Variants in IFI16 observed in about 807,000 individuals in gnomAD.
IFI16 encodes the protein interferon gamma inducible protein 16, also known as gamma-interferon-inducible protein 16.
Under a neutral mutation model 68.4 loss-of-function variants are expected in IFI16, and 49 were observed. The ratio of observed to expected loss-of-function variants is 0.72; its 90% CI spans 0.57 to 0.91. IFI16 has a LOEUF of 0.91. Ranked by LOEUF, IFI16 falls within the 40% of genes least tolerant of loss-of-function variation. The pLI is 0.00. For missense variants in IFI16, 878 were observed against 942.9 expected, an observed-to-expected ratio of 0.93 and a Z score of 0.90; for synonymous variants, 307 against 315.0, an observed-to-expected ratio of 0.97 and a Z score of 0.27.
At chr1:159,002,294 A>G (rs543712882), upstream of IFI16, among the ~76,000 whole-genome samples, 2 of 152,278 alleles carry the variant, frequency 1.3e-5, no homozygotes, top group Admixed American at 6.5e-5. Flanking sequence ...GAGAGTATGG[A>G]ATGATTCTCT....
upstream of IFI16, among the ~76,000 whole-genome samples, chr1:159,002,527 C>G (rs114795556): frequency 9.7e-3 from 1,478 of 151,986 alleles, 27 homozygotes; most frequent in African/African-American, 0.033. Context: ...TGAACACATG[C>G]TGCAAAATAG....
intron 5 of IFI16, 36 bp from the exon 6 acceptor site, chr1:159,020,305 C>T (rs756153474): frequency 1.9e-5 from 29 of 1,489,336 alleles, no homozygotes; most frequent in Non-Finnish European, 2.5e-5. Flanking sequence ...TTATTAATTA[C>T]ATTCTCAGGA....
chr1:159,016,040 A>G (rs772407332), intron 3 of IFI16, 53 bp downstream of exon 3: 16 of 1,154,208 alleles, frequency 1.4e-5, no homozygotes, highest in Non-Finnish European at 2.1e-5. Flanking sequence ...AAGCTCTGCT[A>G]CGGCTCTTCC....
chr1:159,004,057 C>G (rs554204295), upstream of IFI16, among the ~76,000 whole-genome samples: 1 of 152,202 alleles, frequency 6.6e-6, no homozygotes, highest in Non-Finnish European at 1.5e-5. Flanking sequence ...AGTTTCTTTC[C>G]TTGAACCAAA....
At chr1:159,002,170 C>A (rs1306931996), upstream of IFI16, among the ~76,000 whole-genome samples, 1 of 152,124 alleles carries the variant, frequency 6.6e-6, no homozygotes, top group Non-Finnish European at 1.5e-5. Context: ...AATTAGGTGG[C>A]ATGAGTTACC....
At position 159,051,812 on chromosome 1, in the gene IFI16, T is replaced by A; in HGVS notation, c.1799T>A (p.Phe600Tyr). ...GAGCCCAAAGAGCAGAAGAAAATGT[T>A]TCATGCCACAGTGGCAACTGAGAAT... Reference protein sequence around the residue: ...VYEPKEQKKMFHATVATENEV... With the variant: ...VYEPKEQKKMYHATVATENEV... Residue 600 changes from phenylalanine to tyrosine, a missense_variant, in exon 10 of 12, where the codon TTT becomes TAT. Around this residue, in one of 4 missense-constraint regions of IFI16, gnomAD observed 311 missense variants for 305.1 expected, o/e 1.02. Transcript: ENST00000295809. 1 of 1,614,152 alleles carries A rather than the reference T, an allele frequency of 6.2e-7. No individual in the cohort carries two copies. The highest frequency in any genetic ancestry group is 8.5e-7 in the Non-Finnish European group (1 of 1,179,992).
intron 11 of IFI16, 126 bp from the exon 12 acceptor site, chr1:159,054,692 AAAG>A (rs1655570464): frequency 3.6e-6 from 2 of 551,760 alleles, no homozygotes; most frequent in South Asian, 2.9e-5. Flanking sequence ...GAGAGCGAGA[AAAG>A]AATCATTTAG....
At chr1:159,005,070 T>C (rs1320826808), upstream of IFI16, among the ~76,000 whole-genome samples, 2 of 152,052 alleles carry the variant, frequency 1.3e-5, no homozygotes, top group African/African-American at 2.4e-5. Context: ...CTCACGTAAA[T>C]AGACTGATTA....
intron 8 of IFI16, among the ~76,000 whole-genome samples, chr1:159,048,623 G>A (rs1309560045): frequency 6.6e-6 from 1 of 151,382 alleles, no homozygotes. Context: ...ACTACAAGCA[G>A]TTCTTTTGTG....
chr1:159,016,884 A>G (rs1017731534), intron 4 of IFI16, among the ~76,000 whole-genome samples, 184 bp downstream of exon 4: 5 of 152,194 alleles, frequency 3.3e-5, no homozygotes, highest in Non-Finnish European at 7.4e-5. Context: ...ATTATCTCTG[A>G]CTGCAGGAAG....
rs759254994 is a variant in IFI16, at chr1:159,053,579, C to G, written c.2132C>G (p.Thr711Arg). 3 of 1,612,890 alleles carry G rather than the reference C, an allele frequency of 1.9e-6. No homozygotes were observed. The highest frequency in any genetic ancestry group is 1.7e-6 in the Non-Finnish European group (2 of 1,179,146). Reference sequence around the variant, plus strand: ...ACTTATTATGAAATACAAGATAATACAGGGAAGATGGAAGTGGTGGTGCAT... The same window carrying G: ...ACTTATTATGAAATACAAGATAATAGAGGGAAGATGGAAGTGGTGGTGCAT... ...EFTYYEIQDN[T>R]GKMEVVVHGR... is the part of the protein sequence containing the mutation. The change falls in exon 11 of 12, where the codon ACA becomes AGA. Residue 711 changes from threonine to arginine, a missense_variant. Around this residue, in one of 4 missense-constraint regions of IFI16, gnomAD observed 311 missense variants for 305.1 expected, o/e 1.02. Coordinates refer to ENST00000295809, the MANE Select transcript of IFI16 (RefSeq NM_001376587.1).
upstream of IFI16, among the ~76,000 whole-genome samples, chr1:159,004,598 A>AG (rs1201361814): frequency 6.6e-6 from 1 of 152,102 alleles, no homozygotes; most frequent in African/African-American, 2.4e-5. Context: ...CTGGCTACTT[A>AG]GGAGGCTGAA....
At chr1:159,036,927 TTTG>T (rs1430759252) in intron 7 of IFI16, among the ~76,000 whole-genome samples, 3 of 152,202 alleles carry the variant, frequency 2.0e-5, no homozygotes, top group African/African-American at 2.4e-5. Context: ...TTCATGTTGT[TTTG>T]TTGTTGTTAT....
intron 7 of IFI16, among the ~76,000 whole-genome samples, chr1:159,033,659 T>C (rs958440612): frequency 6.6e-6 from 1 of 152,238 alleles, no homozygotes; most frequent in Non-Finnish European, 1.5e-5. Flanking sequence ...ATATCCAGTC[T>C]TATTTAAACC....
chr1:159,030,867 G>C (rs1653955008), intron 6 of IFI16, among the ~76,000 whole-genome samples: 1 of 27,224 alleles, frequency 3.7e-5, no homozygotes, highest in Non-Finnish European at 1.2e-4. Flanking sequence ...GAGTTTCTCA[G>C]GTGGTGGGTG....
intron 6 of IFI16, among the ~76,000 whole-genome samples, chr1:159,030,999 G>A (rs1249806970): frequency 1.3e-5 from 2 of 152,108 alleles, no homozygotes; most frequent in African/African-American, 4.8e-5. Flanking sequence ...CCCTTGGACA[G>A]GGAAAGCTGA....
chr1:159,053,523 T>G lies in IFI16; in HGVS notation c.2086-10T>G, dbSNP rs755465883. 1.3e-5 allele frequency: 21 copies of G among 1,560,102 alleles called. No individual in the cohort carries two copies. The highest frequency in any genetic ancestry group is 1.9e-5 in the Non-Finnish European group (21 of 1,135,068). On this transcript the variant is annotated splice_polypyrimidine_tract_variant and intron_variant, in intron 10 of 11. Coordinates refer to ENST00000295809, the MANE Select transcript of IFI16 (RefSeq NM_001376587.1). ...AGTTTCAGAAGATAAGTGTTAATTTTCTTTTGCAGAAAAATGTAAGGGGTG... is the reference window on the plus strand; with the variant it reads ...AGTTTCAGAAGATAAGTGTTAATTTGCTTTTGCAGAAAAATGTAAGGGGTG...
chr1:159,012,022 GGTTT>G (rs1652595522), intron 1 of IFI16, among the ~76,000 whole-genome samples: 1 of 151,706 alleles, frequency 6.6e-6, no homozygotes, highest in Non-Finnish European at 1.5e-5. Flanking sequence ...ATTTGATCAG[GGTTT>G]TCTTTGTAAG....
upstream of IFI16, among the ~76,000 whole-genome samples, chr1:159,009,559 GTC>G (rs1366973729): frequency 6.6e-6 from 1 of 152,178 alleles, no homozygotes; most frequent in Non-Finnish European, 1.5e-5. Flanking sequence ...GGGAATATAA[GTC>G]TCTAATGACT....
Sources: allele counts gnomAD v4.1 joint callset (sites outside exome capture counted in the v4.1 genomes callset), GRCh38; gene constraint gnomAD v4.1.1; regional missense constraint gnomAD v4.1.1; transcripts MANE v1.5; gene names NCBI Gene and HGNC (gene_info 2026-07-23, HGNC 2026-07-21).